The following POLR1C variants were observed in gnomAD, a reference collection of about 807,000 sequenced individuals.
The protein encoded by POLR1C is RNA polymerase I and III subunit C.
Under a neutral mutation model 38.3 loss-of-function variants are expected in POLR1C, and 42 were observed. That is an observed-to-expected ratio of 1.10 (90% confidence interval 0.86 to 1.42). The LOEUF is 1.42. POLR1C is among the 40% of genes most tolerant of loss of function. The probability of loss-of-function intolerance (pLI) is 0.00; values close to 1 mark genes in which losing one functional copy is unlikely to be tolerated. For missense variants in POLR1C, 507 were observed against 450.5 expected (o/e 1.13, Z -1.14); for synonymous variants, 163 against 163.9 (o/e 0.99, Z 0.04).
intron 9 of POLR1C, among the ~76,000 whole-genome samples, chr6:43,545,693 G>GT (rs1250769457): frequency 6.6e-6 from 1 of 150,896 alleles, no homozygotes; most frequent in Non-Finnish European, 1.5e-5. Context: ...GGGTGACAAA[G>GT]TGAGACTCTG....
In POLR1C at chr6:43,521,227, G is replaced by C. The variant is rs1793167670; in HGVS notation, c.968G>C (p.Ser323Thr). ...GTGTTGCCACCAGATGTGCTGGTGA[G>C]TGAAGCCATCAAAGTACTGATGGGG... The part of the protein sequence containing the change: ...TGVLPPDVLV[S>T]EAIKVLMGKC... The change falls in exon 9 of 9, where the codon AGT becomes ACT. Residue 323 changes from serine (S) to threonine (T), a missense_variant. Coordinates refer to ENST00000642195, the MANE Select transcript of POLR1C (RefSeq NM_203290.4). 1.2e-6 allele frequency: 2 copies of C among 1,613,800 alleles called. No homozygotes were observed. Among genetic ancestry groups the C allele is most frequent in the Non-Finnish European group, 1.7e-6 (2 of 1,180,038 alleles).
At chr6:43,524,731 A>G (rs1025043144), downstream of POLR1C, 31 of 1,585,250 alleles carry the variant, frequency 2.0e-5, 1 homozygote, top group Admixed American at 2.3e-4. Flanking sequence ...TTGCACCAGC[A>G]ATTTGGCAGG....
downstream of POLR1C, among the ~76,000 whole-genome samples, chr6:43,521,935 A>C (rs1793214819): frequency 6.6e-6 from 1 of 152,226 alleles, no homozygotes; most frequent in African/African-American, 2.4e-5. Flanking sequence ...AACAACAGAA[A>C]GAACACCTCC....
At chr6:43,538,996 G>C in intron 9 of POLR1C, 2 of 1,510,882 alleles carry the variant, frequency 1.3e-6, no homozygotes, top group Non-Finnish European at 1.8e-6. Flanking sequence ...TGGCCTTGGC[G>C]AAGTTGCCCA....
downstream of POLR1C, chr6:43,525,061 C>T (rs574519974): frequency 6.4e-6 from 10 of 1,573,932 alleles, no homozygotes; most frequent in Admixed American, 7.6e-5. Context: ...GTCTGCATGA[C>T]CCAAACCTTC....
intron 10 of POLR1C, among the ~76,000 whole-genome samples, chr6:43,557,127 CAAAAA>C (rs58974895): frequency 1.6e-5 from 1 of 61,080 alleles, no homozygotes; most frequent in African/African-American, 5.4e-5. Flanking sequence ...GACTCCATCT[CAAAAA>C]AAAAAAAAAA....
chr6:43,537,069 T>G (rs1486771465), intron 9 of POLR1C, among the ~76,000 whole-genome samples: 1 of 152,026 alleles, frequency 6.6e-6, no homozygotes, highest in East Asian at 1.9e-4. Flanking sequence ...TGGGCTCAAG[T>G]GGCCCTTCCA....
At chr6:43,556,024 T>G (rs1172423918) in intron 10 of POLR1C, 1 of 1,584,404 alleles carries the variant, frequency 6.3e-7, no homozygotes, top group Non-Finnish European at 8.6e-7. Context: ...AAATAAGTAC[T>G]TAATGTTTAT....
intron 9 of POLR1C, chr6:43,539,443 G>C: frequency 6.4e-7 from 1 of 1,567,286 alleles, no homozygotes. Context: ...ATTCCTTAAT[G>C]GGCAGGGAGA....
intron 10 of POLR1C, chr6:43,560,818 T>C (rs1582237849): frequency 1.2e-5 from 12 of 965,694 alleles, no homozygotes; most frequent in South Asian, 1.2e-4. Flanking sequence ...CCCCAAGGCC[T>C]GAAGAGTCAC....
Position 43,520,300 on chromosome 6 carries a change from C to G in POLR1C, c.528C>G (p.Ile176Met). The G allele has an allele frequency of 6.2e-7, 1 of 1,612,922 alleles. No homozygotes were observed. Among genetic ancestry groups the G allele is most frequent in the South Asian group, 1.1e-5 (1 of 91,076 alleles). Residue 176 changes from isoleucine (I) to methionine (M), a missense_variant, in exon 6 of 9, where the codon ATC becomes ATG. Coordinates refer to ENST00000642195, the MANE Select transcript of POLR1C (RefSeq NM_203290.4). The part of the protein sequence containing the change: ...HKVYTRHMTW[I>M]PLGNQADLFP... The stretch of plus-strand genomic sequence containing the variant: ...TGTATACCAGGCATATGACATGGAT[C>G]CCCCTGGGGAACCAGGCTGATCTCT...
chr6:43,543,414 C>G (rs1046517954), intron 9 of POLR1C, among the ~76,000 whole-genome samples: 9 of 152,264 alleles, frequency 5.9e-5, no homozygotes, highest in African/African-American at 1.9e-4. Flanking sequence ...GATCGCAACA[C>G]TGCACCCCAA....
chr6:43,549,568 G>T, intron 9 of POLR1C: 1 of 1,613,104 alleles, frequency 6.2e-7, no homozygotes, highest in East Asian at 2.2e-5. Context: ...CACTGCCCGG[G>T]TTCTGGGGGC....
At chr6:43,525,484 T>C, downstream of POLR1C, 1 of 507,634 alleles carries the variant, frequency 2.0e-6, no homozygotes, top group Admixed American at 3.6e-5. Flanking sequence ...TAAAAGGAGT[T>C]TACTTCCTCT....
intron 9 of POLR1C, among the ~76,000 whole-genome samples, chr6:43,541,488 T>G (rs1165908587): frequency 6.6e-6 from 1 of 152,208 alleles, no homozygotes; most frequent in East Asian, 1.9e-4. Flanking sequence ...ATTTAATACT[T>G]TCAAAGGGTT....
chr6:43,554,430 T>TC (rs754886541), intron 10 of POLR1C, among the ~76,000 whole-genome samples: 46 of 151,042 alleles, frequency 3.0e-4, no homozygotes, highest in Non-Finnish European at 6.1e-4. Context: ...TTCTTTTTTT[T>TC]TTTTTTCTTT....
At chr6:43,521,153 C>T (rs1278134861) in intron 8 of POLR1C, 29 bp from the exon 9 acceptor site, 1 of 1,606,846 alleles carries the variant, frequency 6.2e-7, no homozygotes, top group East Asian at 2.2e-5. Flanking sequence ...CAAGCCCTGC[C>T]TAGACTAAAG....
At chr6:43,548,031 C>A (rs1374539719) in intron 9 of POLR1C, among the ~76,000 whole-genome samples, 1 of 152,156 alleles carries the variant, frequency 6.6e-6, no homozygotes, top group Non-Finnish European at 1.5e-5. Context: ...TCTAAATGTG[C>A]TGGTGCTGCA....
rs201754745 is a variant in POLR1C at position 43,517,146 on chromosome 6, C to T, written c.37C>T (p.Arg13Cys). 131 of 1,614,068 alleles carry T rather than the reference C, an allele frequency of 8.1e-5. No individual in the cohort carries two copies. In the Admixed American group the frequency reaches 1.1e-3, roughly 13 times the overall value. The change falls in exon 1 of 9, where the codon CGC becomes TGC. Residue 13 changes from arginine to cysteine, a missense_variant. By Grantham distance (180) the Arg-to-Cys change is radical. Coordinates refer to ENST00000642195, the MANE Select transcript of POLR1C (RefSeq NM_203290.4). ...TCAGGCGGTGGAGGAAATGCGGAGC[C>T]GCGTGGTTCTGGGGGAGTTTGGGGT... Reference protein sequence around the residue: ...ASQAVEEMRSRVVLGEFGVRN... With the variant: ...ASQAVEEMRSCVVLGEFGVRN...
Sources: allele counts gnomAD v4.1 joint callset (sites outside exome capture counted in the v4.1 genomes callset), GRCh38; gene constraint gnomAD v4.1.1; transcripts MANE v1.5; gene names NCBI Gene and HGNC (gene_info 2026-07-23, HGNC 2026-07-21).